MAST4: variants seen among roughly 807,000 people sequenced by gnomAD.
The protein encoded by MAST4 is microtubule-associated serine/threonine-protein kinase 4.
Under a neutral mutation model 162.7 loss-of-function variants are expected in MAST4, and 89 were observed. The observed-to-expected ratio is 0.55, with a 90% confidence interval of 0.46 to 0.65. MAST4 has a LOEUF of 0.65. Among genes scored for constraint, MAST4 ranks in the 30% least tolerant of loss-of-function variants. MAST4 has a pLI of 0.00. For synonymous variants in MAST4, 1,479 were observed against 1,361.1 expected (o/e 1.09, Z -1.91); for missense variants, 3,153 against 3,374.0 (o/e 0.93, Z 1.62).
intron 1 of MAST4, among the ~76,000 whole-genome samples, chr5:66,713,154 G>C (rs1185315044): frequency 6.6e-6 from 1 of 151,814 alleles, no homozygotes; most frequent in Non-Finnish European, 1.5e-5. Context: ...TGTTTTTGTT[G>C]TTTATTTAAA....
chr5:66,751,844 A>G (rs1244167348), intron 1 of MAST4, among the ~76,000 whole-genome samples: 2 of 149,278 alleles, frequency 1.3e-5, no homozygotes, highest in East Asian at 3.9e-4. Context: ...CATAATTGTC[A>G]GATTCACCAA....
intron 1 of MAST4, among the ~76,000 whole-genome samples, chr5:66,727,472 G>A (rs1751594981): frequency 6.6e-6 from 1 of 152,084 alleles, no homozygotes; most frequent in African/African-American, 2.4e-5. Flanking sequence ...ATTTCTTTGT[G>A]GTCCAGTGTA....
At chr5:66,635,694 CTT>C (rs201432419) in intron 1 of MAST4, among the ~76,000 whole-genome samples, 1 of 145,482 alleles carries the variant, frequency 6.9e-6, no homozygotes. Context: ...TTTTCTTTTT[CTT>C]TTTTTTTTTG....
At chr5:66,689,287 G>A (rs1349829672) in intron 1 of MAST4, among the ~76,000 whole-genome samples, 1 of 152,116 alleles carries the variant, frequency 6.6e-6, no homozygotes, top group African/African-American at 2.4e-5. Context: ...CATCTTGTGA[G>A]CTCTTAGAAG....
rs545209044 is a variant in MAST4, at chr5:66,872,594, C to T, written c.643-27357C>T. ...TCTAGGGCATCCCTTCCCGCCGAGC[C>T]GCAGACAACTCACTTTAGCTCAGTA... is the stretch of plus-strand genomic sequence containing the variant. On this transcript the variant is annotated intron_variant, in intron 3 of 28. Coordinates refer to ENST00000403625, the MANE Select transcript of MAST4 (RefSeq NM_001164664.2). Among the ~76,000 whole-genome samples, 31 of 152,292 alleles carry T rather than the reference C, an allele frequency of 2.0e-4. No individual in the cohort carries two copies. In the Middle Eastern group the frequency reaches 0.017, roughly 84 times the overall value.
rs1251630934 is a variant in MAST4, at chr5:67,167,158, C to T, written c.*107C>T. ...GTGTGGGAATGTCCGCCAGGCAGAGCTCGGAGCCTCATTGAGACAGGGGAG... is the reference window on the plus strand; with the variant it reads ...GTGTGGGAATGTCCGCCAGGCAGAGTTCGGAGCCTCATTGAGACAGGGGAG... On this transcript the variant is annotated 3_prime_UTR_variant, in exon 29 of 29. Transcript: ENST00000403625. 2.1e-6 allele frequency: 2 copies of T among 964,960 alleles called. No homozygotes were observed. The highest frequency in any genetic ancestry group is 1.7e-5 in the African/African-American group (1 of 60,054). 59.8% of individuals were successfully genotyped at this position (964,960 alleles called of 1,614,324 possible).
At chr5:66,820,802 T>C (rs1756956621) in intron 3 of MAST4, among the ~76,000 whole-genome samples, 1 of 152,182 alleles carries the variant, frequency 6.6e-6, no homozygotes, top group African/African-American at 2.4e-5. Context: ...TATTATTTCC[T>C]CCTAGGATGT....
rs188500600 is a variant in MAST4, at chr5:66,926,274, G to A, written c.674+26292G>A. On this transcript the variant is annotated intron_variant, in intron 4 of 28. Coordinates refer to ENST00000403625, the MANE Select transcript of MAST4 (RefSeq NM_001164664.2). Reference sequence around the variant, plus strand: ...AAATTAAATTATTTTCTGGCTGGGCGCGGTGGCTCATGCCTGTAATCCCAG... The same window carrying A: ...AAATTAAATTATTTTCTGGCTGGGCACGGTGGCTCATGCCTGTAATCCCAG... Among the ~76,000 whole-genome samples the A allele has an allele frequency of 1.6e-4, 25 of 152,232 alleles. No homozygotes were observed. In the East Asian group the frequency reaches 3.1e-3, roughly 19 times the overall value.
intron 3 of MAST4, among the ~76,000 whole-genome samples, chr5:66,793,441 C>T (rs943701452): frequency 6.6e-6 from 1 of 152,164 alleles, no homozygotes; most frequent in African/African-American, 2.4e-5. Context: ...GGTAGTTTAT[C>T]ACAGAAGTCA....
chr5:66,755,735 T>C (rs1320915134), intron 1 of MAST4, among the ~76,000 whole-genome samples: 5 of 152,360 alleles, frequency 3.3e-5, no homozygotes, highest in Admixed American at 3.3e-4. Context: ...TAAATCAAGC[T>C]AATTAACATA....
At position 67,165,258 on chromosome 5, in the gene MAST4, A is replaced by G. The variant is rs1376002919; in HGVS notation, c.6079A>G (p.Thr2027Ala). ...SVGRTHPDFY[T>A]QTQAMEKAWA... Reference sequence around the variant, plus strand: ...GGGAAGGACCCACCCAGATTTCTATACACAGACCCAGGCCATGGAGAAAGC... The same window carrying G: ...GGGAAGGACCCACCCAGATTTCTATGCACAGACCCAGGCCATGGAGAAAGC... The change falls in exon 29 of 29, where the codon ACA becomes GCA. Residue 2027 changes from threonine to alanine, a missense_variant. Physicochemically the swap from Thr to Ala is moderately conservative, Grantham distance 58. Coordinates refer to ENST00000403625, the MANE Select transcript of MAST4 (RefSeq NM_001164664.2). 1 of 1,613,186 alleles carries G rather than the reference A, an allele frequency of 6.2e-7. No individual in the cohort carries two copies. Among genetic ancestry groups the G allele is most frequent in the Non-Finnish European group, 8.5e-7 (1 of 1,179,808 alleles).
At chr5:66,682,205 C>T (rs1054342573) in intron 1 of MAST4, among the ~76,000 whole-genome samples, 25 of 152,120 alleles carry the variant, frequency 1.6e-4, no homozygotes, top group African/African-American at 6.0e-4. Context: ...TCGTGAGTGG[C>T]CCCACACCCC....
intron 1 of MAST4, among the ~76,000 whole-genome samples, chr5:66,648,866 A>C (rs1272862972): frequency 1.3e-5 from 2 of 152,242 alleles, no homozygotes; most frequent in East Asian, 1.9e-4. Flanking sequence ...TAATAGTAAG[A>C]CTTGATGTTT....
rs1454481215 is a variant in MAST4 at position 66,649,869 on chromosome 5, A to G, written c.363+52851A>G. Among the ~76,000 whole-genome samples the G allele has an allele frequency of 2.0e-5, 3 of 152,160 alleles. No individual in the cohort carries two copies. The East Asian group carries it at 5.8e-4, about 29-fold the overall frequency. On this transcript the variant is annotated intron_variant, in intron 1 of 28. Coordinates refer to ENST00000403625, the MANE Select transcript of MAST4 (RefSeq NM_001164664.2). The stretch of plus-strand genomic sequence containing the variant: ...TGCAGGAGCCCTAGAGTTCGAGATC[A>G]GTTAGTCAATACTGCCATCTCATAC...
intron 4 of MAST4, among the ~76,000 whole-genome samples, chr5:66,933,579 C>T (rs932641141): frequency 5.3e-5 from 8 of 152,062 alleles, no homozygotes; most frequent in South Asian, 2.1e-4. Flanking sequence ...AACATGTGTG[C>T]ATGTTGCTCT....
At chr5:67,071,186 G>A (rs990116002) in intron 5 of MAST4, among the ~76,000 whole-genome samples, 2 of 152,180 alleles carry the variant, frequency 1.3e-5, no homozygotes, top group Admixed American at 1.3e-4. Context: ...TCTAGAAATA[G>A]TCTTGTGGCT....
At chr5:66,908,768 A>G (rs1006294093) in intron 4 of MAST4, among the ~76,000 whole-genome samples, 1 of 152,122 alleles carries the variant, frequency 6.6e-6, no homozygotes, top group African/African-American at 2.4e-5. Context: ...TCAATAGGCA[A>G]TCAATCACTG....
At chr5:67,134,807 A>G in intron 18 of MAST4, 119 bp downstream of exon 18, 2 of 789,348 alleles carry the variant, frequency 2.5e-6, no homozygotes, top group Admixed American at 2.7e-5. Flanking sequence ...CAGTTGAGCC[A>G]ACAAAAGAAC....
intron 5 of MAST4, among the ~76,000 whole-genome samples, chr5:67,081,717 C>T (rs1412419554): frequency 6.6e-6 from 1 of 152,016 alleles, no homozygotes; most frequent in Non-Finnish European, 1.5e-5. Flanking sequence ...TAATTTTTTT[C>T]AAATGTTGAC....
Sources: allele counts gnomAD v4.1 joint callset (sites outside exome capture counted in the v4.1 genomes callset), GRCh38; gene constraint gnomAD v4.1.1; transcripts MANE v1.5; gene names NCBI Gene and HGNC (gene_info 2026-07-23, HGNC 2026-07-21).